PHF3: variants seen among roughly 807,000 people sequenced by gnomAD.
The protein encoded by PHF3 is PHD finger protein 3.
Under a neutral mutation model 178.4 loss-of-function variants are expected in PHF3, and 41 were observed. That is an observed-to-expected ratio of 0.23 (90% CI 0.18 to 0.30). The LOEUF (loss-of-function observed/expected upper bound fraction) is 0.30. PHF3 is among the 10% of genes least tolerant of loss of function. The pLI is 1.00. For missense variants in PHF3, 2,346 were observed against 2,398.1 expected (o/e 0.98, Z 0.45); for synonymous variants, 842 against 800.5 (o/e 1.05, Z -0.88).
chr6:63,725,614 A>G lies in PHF3; in HGVS notation c.*11906A>G, dbSNP rs1302963245. Among the ~76,000 whole-genome samples, 1 of 152,084 alleles carries G rather than the reference A, an allele frequency of 6.6e-6. No homozygotes were observed. The highest frequency in any genetic ancestry group is 1.9e-4 in the East Asian group (1 of 5,204). On this transcript the variant is annotated 3_prime_UTR_variant, in exon 16 of 16. Coordinates refer to ENST00000262043, the MANE Select transcript of PHF3 (RefSeq NM_001370348.2). ...GGAGAACAAATTTCTTCTGAGCTGT[A>G]TTTTATAGCTCAATTGTACTTTTTC...
intron 6 of PHF3, among the ~76,000 whole-genome samples, chr6:63,697,139 G>A (rs1291468277): frequency 6.6e-6 from 1 of 152,120 alleles, no homozygotes; most frequent in Non-Finnish European, 1.5e-5. Flanking sequence ...AGACAAGAGG[G>A]GATGGGATTC....
rs553840761 is a variant in PHF3 at position 63,720,846 on chromosome 6, T to C, written c.*7138T>C. 251 of 1,551,242 alleles carry C rather than the reference T, an allele frequency of 1.6e-4. 1 individual carries two copies. The African/African-American group carries it at 3.1e-3, about 19-fold the overall frequency. On this transcript the variant is annotated 3_prime_UTR_variant, in exon 16 of 16. Coordinates refer to ENST00000262043, the MANE Select transcript of PHF3 (RefSeq NM_001370348.2). The stretch of plus-strand genomic sequence containing the variant: ...AATATCCTCGGAAAGAATTAGACTG[T>C]TATTTATGTAGGCCTTGATAAGAGT...
Position 63,723,788 on chromosome 6 carries a change from CATT to C in PHF3, c.*10126_*10128del, listed in dbSNP as rs57873412. On this transcript the variant is annotated 3_prime_UTR_variant, in exon 16 of 16. Transcript: ENST00000262043. ...GTTATGGGTCATAAGTACACATTGG[CATT>C]ATTATTATTATTATTATTATTATTA... Among the ~76,000 whole-genome samples, 41,277 of 137,868 alleles carry C rather than the reference CATT, an allele frequency of 0.3. 6,630 individuals carry two copies. Among genetic ancestry groups the C allele is most frequent in the Middle Eastern group, 0.4 (109 of 272 alleles). 90.4% of individuals were successfully genotyped at this position (137,868 alleles called of 152,430 possible).
At position 63,721,375 on chromosome 6, in the gene PHF3, TTCTGCATG is replaced by T. The variant is rs528919874; in HGVS notation, c.*7669_*7676del. The T allele has an allele frequency of 3.7e-4, 567 of 1,551,816 alleles. 2 individuals are homozygous for T. The highest frequency in any genetic ancestry group is 1.3e-4 in the Non-Finnish European group (148 of 1,146,956). On this transcript the variant is annotated 3_prime_UTR_variant, in exon 16 of 16. Coordinates refer to ENST00000262043, the MANE Select transcript of PHF3 (RefSeq NM_001370348.2). ...CCATTTACTGTACATTCACCTCCAT[TTCTGCATG>T]TGTTGTACCCACAGGCTGTCCCATC...
chr6:63,648,226 CT>C (rs1764872514), intron 2 of PHF3, among the ~76,000 whole-genome samples: 4 of 152,132 alleles, frequency 2.6e-5, no homozygotes, highest in South Asian at 4.1e-4. Context: ...TGTTTTAAAG[CT>C]TTTAAAATTT....
chr6:63,657,419 C>T (rs1369053326), intron 2 of PHF3, among the ~76,000 whole-genome samples: 1 of 152,138 alleles, frequency 6.6e-6, no homozygotes, highest in Non-Finnish European at 1.5e-5. Context: ...GGAAGCCTTA[C>T]TGATAGCAGA....
chr6:63,704,236 T>C (rs1338955849), intron 11 of PHF3, among the ~76,000 whole-genome samples: 1 of 152,140 alleles, frequency 6.6e-6, no homozygotes, highest in East Asian at 1.9e-4. Flanking sequence ...CAAACCTACA[T>C]TGAAAAATAA....
chr6:63,698,396 C>G, intron 7 of PHF3, 29 bp downstream of exon 7: 2 of 1,587,054 alleles, frequency 1.3e-6, no homozygotes, highest in Non-Finnish European at 1.7e-6. Context: ...ATAGAAGTAT[C>G]AATAATTATG....
Position 63,720,785 on chromosome 6 carries a change from A to G in PHF3, c.*7077A>G. On this transcript the variant is annotated 3_prime_UTR_variant, in exon 16 of 16. Coordinates refer to ENST00000262043, the MANE Select transcript of PHF3 (RefSeq NM_001370348.2). ...CAAAGCCCCCTAGATAACAAATGCC[A>G]TCATAGTTTAGAGCCACAAAGTTTT... 1 of 1,550,928 alleles carries G rather than the reference A, an allele frequency of 6.4e-7. No homozygotes were observed. Among genetic ancestry groups the G allele is most frequent in the Non-Finnish European group, 8.7e-7 (1 of 1,146,466 alleles).
At chr6:63,700,835 G>C (rs1396016078) in intron 9 of PHF3, among the ~76,000 whole-genome samples, 3 of 152,106 alleles carry the variant, frequency 2.0e-5, no homozygotes, top group Non-Finnish European at 4.4e-5. Context: ...GCCCACCTCA[G>C]CCTCCCAAAG....
chr6:63,677,393 A>C (rs1766214890), intron 2 of PHF3, among the ~76,000 whole-genome samples: 1 of 152,094 alleles, frequency 6.6e-6, no homozygotes, highest in African/African-American at 2.4e-5. Flanking sequence ...TGGCTAGGGA[A>C]ATGGGAGGAT....
Position 63,719,855 on chromosome 6 carries a change from C to A in PHF3, c.*6147C>A, listed in dbSNP as rs932814856. 2.0e-5 allele frequency: 3 copies of A among 152,072 alleles called. No homozygotes were observed. The highest frequency in any genetic ancestry group is 2.9e-5 in the Non-Finnish European group (2 of 67,946). The allele number at this position is 152,072 out of a possible 1,614,324, so 9.4% of individuals were successfully genotyped here. ...AAAAGCAACAGGCTTCTGCACTACT[C>A]TTCTCTCCAGAGGCAACCATTTTTA... On this transcript the variant is annotated 3_prime_UTR_variant, in exon 16 of 16. Coordinates refer to ENST00000262043, the MANE Select transcript of PHF3 (RefSeq NM_001370348.2).
chr6:63,677,962 C>T (rs867322859), intron 2 of PHF3, among the ~76,000 whole-genome samples: 2 of 152,134 alleles, frequency 1.3e-5, no homozygotes, highest in African/African-American at 2.4e-5. Flanking sequence ...GTGGTTCACA[C>T]CTGTAATCCC....
At chr6:63,641,686 G>A (rs1764585021) in intron 1 of PHF3, among the ~76,000 whole-genome samples, 1 of 151,624 alleles carries the variant, frequency 6.6e-6, no homozygotes, top group East Asian at 1.9e-4. Context: ...CTTCCAGGCT[G>A]GAGTGCAATG....
intron 5 of PHF3, among the ~76,000 whole-genome samples, chr6:63,693,877 A>G (rs1767115056): frequency 6.6e-6 from 1 of 152,244 alleles, no homozygotes; most frequent in South Asian, 2.1e-4. Context: ...GTGGCATAGC[A>G]CTACGTGCCT....
intron 1 of PHF3, among the ~76,000 whole-genome samples, chr6:63,641,517 G>T (rs148298402): frequency 0.013 from 1,752 of 138,344 alleles, 31 homozygotes; most frequent in African/African-American, 0.047. Context: ...GTGATTTATT[G>T]TTAGGTGTGT....
At chr6:63,667,639 G>A (rs1385693415) in intron 2 of PHF3, among the ~76,000 whole-genome samples, 4 of 152,036 alleles carry the variant, frequency 2.6e-5, no homozygotes, top group African/African-American at 4.8e-5. Context: ...ATTTTCACCC[G>A]GTTTGTTCAA....
chr6:63,691,878 T>G lies in PHF3; in HGVS notation c.2331T>G (p.Thr777=), dbSNP rs1383599445. 1.9e-6 allele frequency: 3 copies of G among 1,613,598 alleles called. No individual in the cohort carries two copies. Among genetic ancestry groups the G allele is most frequent in the Non-Finnish European group, 2.5e-6 (3 of 1,179,900 alleles). Reference sequence around the variant, plus strand: ...GTTGTGCTGAAGAAGACAAAAAGACTGAAATACTAGATCCAGATACTTTGG... The same window carrying G: ...GTTGTGCTGAAGAAGACAAAAAGACGGAAATACTAGATCCAGATACTTTGG... The part of the protein sequence containing the change: ...VKCCAEEDKK[T]EILDPDTLEN... Residue 777 remains threonine, a synonymous_variant, in exon 5 of 16, where the codon ACT becomes ACG. Transcript: ENST00000262043.
In PHF3 at chr6:63,723,157, C is replaced by T. The variant is rs1439815058; in HGVS notation, c.*9449C>T. On this transcript the variant is annotated 3_prime_UTR_variant, in exon 16 of 16. Coordinates refer to ENST00000262043, the MANE Select transcript of PHF3 (RefSeq NM_001370348.2). The stretch of plus-strand genomic sequence containing the variant: ...AATAGTTTTAGCTTGAAAGCAAAAA[C>T]TTTTTTCCTATAATGACATGAAAAT... Among the ~76,000 whole-genome samples, 2 of 152,102 alleles carry T rather than the reference C, an allele frequency of 1.3e-5. No individual in the cohort carries two copies. The highest frequency in any genetic ancestry group is 2.9e-5 in the Non-Finnish European group (2 of 67,996).
Sources: allele counts gnomAD v4.1 joint callset (sites outside exome capture counted in the v4.1 genomes callset), GRCh38; gene constraint gnomAD v4.1.1; transcripts MANE v1.5; gene names NCBI Gene and HGNC (gene_info 2026-07-23, HGNC 2026-07-21).